Variants in GADL1 observed in about 807,000 individuals in gnomAD.
GADL1 encodes GAD like acidic amino acid decarboxylase 1, also known as acidic amino acid decarboxylase GADL1.
A neutral mutation model predicts 69.5 loss-of-function variants in GADL1; 71 were observed. The observed-to-expected ratio is 1.02, with a 90% CI of 0.84 to 1.25. GADL1 has a LOEUF of 1.25. Among genes scored for constraint, GADL1 ranks in the 50% most tolerant of loss-of-function variants. GADL1 has a pLI of 0.00. For missense variants in GADL1, 737 were observed against 631.8 expected (o/e 1.17, Z -1.79); for synonymous variants, 254 against 214.4 (o/e 1.18, Z -1.62).
chr3:30,860,199 T>A (rs557753276), intron 2 of GADL1, among the ~76,000 whole-genome samples: 211 of 151,918 alleles, frequency 1.4e-3, no homozygotes, highest in Non-Finnish European at 2.4e-3. Flanking sequence ...ATCCCAAAAA[T>A]CTGTTCCAGT....
chr3:30,769,295 A>C (rs180932565), intron 14 of GADL1, among the ~76,000 whole-genome samples: 2 of 152,222 alleles, frequency 1.3e-5, no homozygotes, highest in Admixed American at 6.5e-5. Flanking sequence ...GACCTGAACC[A>C]ACATGATGTC....
intron 14 of GADL1, among the ~76,000 whole-genome samples, chr3:30,752,646 C>T (rs778812744): frequency 5.9e-5 from 9 of 152,102 alleles, no homozygotes; most frequent in East Asian, 1.9e-4. Context: ...AGAAAACGTC[C>T]ACTGGAGCAT....
intron 8 of GADL1, among the ~76,000 whole-genome samples, chr3:30,841,723 G>A (rs1697968951): frequency 1.3e-5 from 2 of 152,126 alleles, no homozygotes; most frequent in African/African-American, 4.8e-5. Flanking sequence ...ATCAATGGCA[G>A]CAAAAACCAC....
intron 4 of GADL1, among the ~76,000 whole-genome samples, chr3:30,852,527 A>G (rs1698164041): frequency 6.6e-6 from 1 of 152,128 alleles, no homozygotes; most frequent in East Asian, 1.9e-4. Flanking sequence ...AAAATTTAAA[A>G]AGATAGATTC....
intron 11 of GADL1, among the ~76,000 whole-genome samples, chr3:30,819,104 C>T (rs1697525118): frequency 6.6e-6 from 1 of 151,832 alleles, no homozygotes; most frequent in South Asian, 2.1e-4. Context: ...GAGGGGGAGG[C>T]TTCCCACATT....
At chr3:30,732,445 T>G (rs1480646805) in intron 14 of GADL1, among the ~76,000 whole-genome samples, 3 of 152,200 alleles carry the variant, frequency 2.0e-5, no homozygotes, top group African/African-American at 4.8e-5. Context: ...GGTGACTTAA[T>G]GTACACATTT....
In GADL1 at chr3:30,786,393, C is replaced by A. The variant is rs1407281630; in HGVS notation, c.1264G>T (p.Glu422Ter). 14 of 1,495,164 alleles carry A rather than the reference C, an allele frequency of 9.4e-6. No individual in the cohort carries two copies. Among genetic ancestry groups the A allele is most frequent in the Admixed American group, 1.7e-5 (1 of 59,706 alleles). The allele number at this position is 1,495,164 out of a possible 1,614,324, so 92.6% of individuals were successfully genotyped here. A position where few individuals can be genotyped will look rare whatever the true frequency, so the allele number is the denominator to read the frequency against. Residue 422 changes from glutamate to a stop codon, truncating the protein, a stop_gained, in exon 13 of 15, where the codon GAA becomes TAA. Transcript: ENST00000282538. LOFTEE classifies it high-confidence loss of function. ...ALALSRYLVD[E>*]IKKREGFKLL... ...TTGAATCCTTCTCTTTTCTTGATTT[C>A]ATCTACTAGGTACCTAAAATTAAAA...
chr3:30,785,289 G>C (rs1428513395), intron 13 of GADL1, among the ~76,000 whole-genome samples: 1 of 151,630 alleles, frequency 6.6e-6, no homozygotes, highest in African/African-American at 2.4e-5. Flanking sequence ...GACCTTTTCT[G>C]TTTTCTATCT....
chr3:30,841,223 A>T (rs1697960234), intron 8 of GADL1, among the ~76,000 whole-genome samples: 1 of 152,214 alleles, frequency 6.6e-6, no homozygotes, highest in Non-Finnish European at 1.5e-5. Context: ...TCCTTGGTGA[A>T]TCCAGGCTCA....
At chr3:30,876,159 A>G (rs866788072) in intron 1 of GADL1, among the ~76,000 whole-genome samples, 2 of 152,188 alleles carry the variant, frequency 1.3e-5, no homozygotes, top group African/African-American at 4.8e-5. Context: ...CACAACAGCC[A>G]TGCAAGTTAC....
At chr3:30,862,198 A>G (rs1197252607) in intron 1 of GADL1, among the ~76,000 whole-genome samples, 1 of 151,970 alleles carries the variant, frequency 6.6e-6, no homozygotes, top group Non-Finnish European at 1.5e-5. Context: ...GTAAATATTC[A>G]TTGGCATTTC....
chr3:30,810,483 T>A (rs1361388743), intron 11 of GADL1, among the ~76,000 whole-genome samples: 1 of 152,200 alleles, frequency 6.6e-6, no homozygotes, highest in Non-Finnish European at 1.5e-5. Context: ...TGATATGCTC[T>A]TAAAAATTCT....
intron 6 of GADL1, among the ~76,000 whole-genome samples, 170 bp downstream of exon 6, chr3:30,849,826 G>A (rs1443568291): frequency 2.6e-5 from 4 of 152,026 alleles, no homozygotes; most frequent in Non-Finnish European, 2.9e-5. Flanking sequence ...TGGACCAGGC[G>A]TTACAACATC....
At chr3:30,888,994 T>A (rs1671666889) in intron 1 of GADL1, among the ~76,000 whole-genome samples, 1 of 147,414 alleles carries the variant, frequency 6.8e-6, no homozygotes, top group African/African-American at 2.5e-5. Flanking sequence ...TTCATACCTC[T>A]ATTCGCAAAT....
At chr3:30,881,454 A>G (rs1006609541) in intron 1 of GADL1, among the ~76,000 whole-genome samples, 1 of 151,968 alleles carries the variant, frequency 6.6e-6, no homozygotes, top group Non-Finnish European at 1.5e-5. Flanking sequence ...AGCTTGTTAA[A>G]TGCAATACAC....
chr3:30,834,836 C>T (rs1382725112), intron 9 of GADL1, among the ~76,000 whole-genome samples: 1 of 152,060 alleles, frequency 6.6e-6, no homozygotes. Flanking sequence ...AGGAAGTTAT[C>T]CACTGGAGAA....
At chr3:30,779,788 A>G (rs1696618303) in intron 13 of GADL1, among the ~76,000 whole-genome samples, 1 of 152,186 alleles carries the variant, frequency 6.6e-6, no homozygotes, top group Non-Finnish European at 1.5e-5. Context: ...CCAGAAATCT[A>G]CCCTTTTTGA....
chr3:30,756,031 T>C (rs1230353094), intron 14 of GADL1, among the ~76,000 whole-genome samples: 2 of 152,102 alleles, frequency 1.3e-5, no homozygotes, highest in African/African-American at 2.4e-5. Context: ...AGGAGAAACC[T>C]TGGGACTGTG....
intron 14 of GADL1, among the ~76,000 whole-genome samples, chr3:30,770,978 AATAAC>A (rs1417464225): frequency 6.6e-6 from 1 of 152,236 alleles, no homozygotes; most frequent in African/African-American, 2.4e-5. Context: ...TAAGCAAAGT[AATAAC>A]AAATTTTATG....
Sources: allele counts gnomAD v4.1 joint callset (sites outside exome capture counted in the v4.1 genomes callset), GRCh38; gene constraint gnomAD v4.1.1; transcripts MANE v1.5; gene names NCBI Gene and HGNC (gene_info 2026-07-23, HGNC 2026-07-21).